The following ZNF276 variants were observed in gnomAD, a reference collection of about 807,000 sequenced individuals.
ZNF276 encodes the protein zinc finger protein 276.
Under a neutral mutation model 63.9 loss-of-function variants are expected in ZNF276, and 59 were observed. That is an observed-to-expected ratio of 0.92 (90% confidence interval 0.75 to 1.15). The LOEUF is 1.15. Ranked by LOEUF, ZNF276 falls within the 50% of genes most tolerant of loss-of-function variation. ZNF276 has a pLI of 0.00. For synonymous variants in ZNF276, 496 were observed against 348.4 expected (o/e 1.42, Z -4.72); for missense variants, 1,084 against 843.8 (o/e 1.28, Z -3.53).
In ZNF276 at chr16:89,723,154, C is replaced by T. The variant is rs769218443; in HGVS notation, c.527C>T (p.Pro176Leu). ...KPCAKVGAQP[P>L]TGAEEGACLV... ...CTTTGCAGGGTCGGTGCCCAGCCCC[C>T]AACAGGGGCAGAGGAGGGAGCGTGT... Residue 176 changes from proline to leucine, a missense_variant, in exon 3 of 11, where the codon CCA becomes CTA. Pro to Leu is a moderately conservative substitution (Grantham distance 98, BLOSUM62 -3). Coordinates refer to ENST00000443381, the MANE Select transcript of ZNF276 (RefSeq NM_001113525.2). 1.2e-6 allele frequency: 2 copies of T among 1,613,118 alleles called. No individual in the cohort carries two copies. The highest frequency in any genetic ancestry group is 1.7e-6 in the Non-Finnish European group (2 of 1,180,040).
chr16:89,739,040 A>C lies in ZNF276; in HGVS notation c.*794A>C. On this transcript the variant is annotated 3_prime_UTR_variant, in exon 11 of 11. Coordinates refer to ENST00000443381, the MANE Select transcript of ZNF276 (RefSeq NM_001113525.2). ...CAGAAACAGGGCTGGTGTGTCCCCCATAGTCTGCATGCTGTGCCGGAACAT... is the reference window on the plus strand; with the variant it reads ...CAGAAACAGGGCTGGTGTGTCCCCCCTAGTCTGCATGCTGTGCCGGAACAT... 1.2e-6 allele frequency: 2 copies of C among 1,614,024 alleles called. No individual in the cohort carries two copies. The highest frequency in any genetic ancestry group is 1.7e-6 in the Non-Finnish European group (2 of 1,179,898).
intron 4 of ZNF276, 41 bp from the exon 5 acceptor site, chr16:89,727,238 G>A (rs2061496496): frequency 4.4e-6 from 7 of 1,598,594 alleles, no homozygotes; most frequent in Non-Finnish European, 6.0e-6. Context: ...ACCTTTCTGT[G>A]CTCCGTGTTG....
rs762625682 is a variant in ZNF276, at chr16:89,739,400, C to A, written c.*1154C>A. 5 of 1,568,194 alleles carry A rather than the reference C, an allele frequency of 3.2e-6. No homozygotes were observed. The highest frequency in any genetic ancestry group is 4.3e-6 in the Non-Finnish European group (5 of 1,153,584). On this transcript the variant is annotated 3_prime_UTR_variant, in exon 11 of 11. Coordinates refer to ENST00000443381, the MANE Select transcript of ZNF276 (RefSeq NM_001113525.2). ...CAGAGGCACAGACAACCCTTCCCAT[C>A]TGGCGGGACCCAGAGGTGCTGAGAT...
rs796749783 is a variant in ZNF276 at position 89,728,563 on chromosome 16, C to T, written c.1086-672C>T. On this transcript the variant is annotated intron_variant, in intron 5 of 10. Coordinates refer to ENST00000443381, the MANE Select transcript of ZNF276 (RefSeq NM_001113525.2). Reference sequence around the variant, plus strand: ...GACTACAGGCACCCGCCACCACGCCCGGCTAATTTTTTGTATTTTTAGCAG... The same window carrying T: ...GACTACAGGCACCCGCCACCACGCCTGGCTAATTTTTTGTATTTTTAGCAG... 4.6e-4 allele frequency among the ~76,000 whole-genome samples: 70 copies of T among 152,266 alleles called. 1 individual carries two copies. The highest frequency in any genetic ancestry group is 1.2e-3 in the African/African-American group (48 of 41,546).
At chr16:89,726,044 C>G (rs150702216) in intron 4 of ZNF276, among the ~76,000 whole-genome samples, 3,080 of 152,314 alleles carry the variant, frequency 0.02, 104 homozygotes, top group African/African-American at 0.069. Context: ...TTGATGGAGT[C>G]TCACTCTGTC....
rs746081933 is a variant in ZNF276 at position 89,738,712 on chromosome 16, TGAGA to T, written c.*470_*473del. ...AGTCCCCACGATCAGCCAGCAGCTGTGAGAGAGGAGCAGGTCCTCAGCCCATGCC... is the reference window on the plus strand; with the variant it reads ...AGTCCCCACGATCAGCCAGCAGCTGTGAGGAGCAGGTCCTCAGCCCATGCC... On this transcript the variant is annotated 3_prime_UTR_variant, in exon 11 of 11. Transcript: ENST00000443381. 6.8e-6 allele frequency: 11 copies of T among 1,613,794 alleles called. No individual in the cohort carries two copies. The highest frequency in any genetic ancestry group is 5.1e-6 in the Non-Finnish European group (6 of 1,179,912).
In ZNF276 at chr16:89,738,012, A is replaced by T; in HGVS notation, c.1611A>T (p.Ala537=). 4 of 1,614,142 alleles carry T rather than the reference A, an allele frequency of 2.5e-6. No homozygotes were observed. Among genetic ancestry groups the T allele is most frequent in the Non-Finnish European group, 3.4e-6 (4 of 1,180,044 alleles). The change falls in exon 11 of 11, where the codon GCA becomes GCT. Residue 537 remains alanine (A), a synonymous_variant. Coordinates refer to ENST00000443381, the MANE Select transcript of ZNF276 (RefSeq NM_001113525.2). The part of the protein sequence containing the change: ...EVCGFQCRQR[A]SLKYHMTKHK... The stretch of plus-strand genomic sequence containing the variant: ...GTGGGTTCCAGTGCAGGCAGCGGGC[A>T]TCCCTCAAGTACCACATGACCAAAC...
intron 6 of ZNF276, 88 bp downstream of exon 6, chr16:89,729,406 C>A: frequency 8.8e-7 from 1 of 1,139,556 alleles, no homozygotes; most frequent in Non-Finnish European, 1.3e-6. Flanking sequence ...CCGGTGCCCA[C>A]TCAGTTCACT....
intron 6 of ZNF276, chr16:89,731,426 GTATTT>G (rs1029240389): frequency 6.6e-6 from 1 of 152,226 alleles, no homozygotes; most frequent in African/African-American, 2.4e-5. Flanking sequence ...GCTAATTTTT[GTATTT>G]TTAGTAGAGA....
rs1216572301 is a variant in ZNF276, at chr16:89,734,077, CA to C, written c.1474+40del. ...CAGTGTCGCCCACGCGGGTGACAGCCAGGGGCACGTGACCTGCTTTCCAGTC... is the reference window on the plus strand; with the variant it reads ...CAGTGTCGCCCACGCGGGTGACAGCCGGGGCACGTGACCTGCTTTCCAGTC... On this transcript the variant is annotated intron_variant, in intron 9 of 10. Transcript: ENST00000443381. The C allele has an allele frequency of 2.5e-6, 4 of 1,582,986 alleles. No individual in the cohort carries two copies. In the African/African-American group the frequency reaches 4.0e-5, roughly 16 times the overall value.
chr16:89,739,970 G>C lies in ZNF276; in HGVS notation c.*1724G>C, dbSNP rs1001246905. 1 of 1,612,926 alleles carries C rather than the reference G, an allele frequency of 6.2e-7. No homozygotes were observed. The highest frequency in any genetic ancestry group is 8.5e-7 in the Non-Finnish European group (1 of 1,178,932). ...CTGAAAAGAGCGGCCCTCCGCATTT[G>C]TGCCTCAGCAGCGTGTTTCTTACCA... is the stretch of plus-strand genomic sequence containing the variant. On this transcript the variant is annotated 3_prime_UTR_variant, in exon 11 of 11. Coordinates refer to ENST00000443381, the MANE Select transcript of ZNF276 (RefSeq NM_001113525.2).
rs147766861 is a variant in ZNF276 at position 89,723,512 on chromosome 16, G to T, written c.809G>T (p.Arg270Leu). 12 of 1,612,768 alleles carry T rather than the reference G, an allele frequency of 7.4e-6. No individual in the cohort carries two copies. Among genetic ancestry groups the T allele is most frequent in the Admixed American group, 1.7e-5 (1 of 59,998 alleles). The change falls in exon 4 of 11, where the codon CGG becomes CTG. Residue 270 changes from arginine (R) to leucine (L), a missense_variant. By Grantham distance (102) the Arg-to-Leu change is moderately radical (BLOSUM62 -2). Transcript: ENST00000443381. ...CCATGGGACAAAGAGACGGCGCCAC[G>T]GCTGCCCCAGCACCGAGGGTGGAAC... ...KWPWDKETAP[R>L]LPQHRGWNPG...
intron 9 of ZNF276, among the ~76,000 whole-genome samples, chr16:89,736,946 T>C (rs1197223376): frequency 1.3e-5 from 2 of 150,702 alleles, no homozygotes; most frequent in African/African-American, 4.9e-5. Context: ...CAAGATAGGG[T>C]TTCCCTTCGA....
Position 89,738,810 on chromosome 16 carries a change from C to T in ZNF276, c.*564C>T. On this transcript the variant is annotated 3_prime_UTR_variant, in exon 11 of 11. Transcript: ENST00000443381. ...TAGTCGAGTTGTATTGCCAGCCAGG[C>T]AGGCACATGGCCCAGGCAGCTGTCA... 1.2e-6 allele frequency: 2 copies of T among 1,613,862 alleles called. No individual in the cohort carries two copies. The highest frequency in any genetic ancestry group is 1.7e-6 in the Non-Finnish European group (2 of 1,179,918).
chr16:89,721,497 CCCGCCCGCCTCGCTTTGCTTCTCGCT>C (rs1281409256), upstream of ZNF276: 2 of 839,562 alleles, frequency 2.4e-6, no homozygotes, highest in Admixed American at 4.0e-5. Flanking sequence ...CCTGGCCCGC[CCCGCCCGCCTCGCTTTGCTTCTCGCT>C]CCGCCCCTCC....
At position 89,733,555 on chromosome 16, in the gene ZNF276, A is replaced by C; in HGVS notation, c.1354A>C (p.Lys452Gln). The C allele has an allele frequency of 1.9e-6, 3 of 1,613,904 alleles. No individual in the cohort carries two copies. The highest frequency in any genetic ancestry group is 2.5e-6 in the Non-Finnish European group (3 of 1,180,028). ...CGTGTACCGAGGCGCTGACGGCATG[A>C]AGGTGAGCACTGGCTGTGCCTGACC... ...TAVYRGADGM[K>Q]KHIKEHHEEV... The change falls in exon 8 of 11, where the codon AAG (lysine) becomes CAG (glutamine). Residue 452 changes from lysine to glutamine, a missense_variant and splice_region_variant. Physicochemically the swap from Lys to Gln is moderately conservative, Grantham distance 53. Coordinates refer to ENST00000443381, the MANE Select transcript of ZNF276 (RefSeq NM_001113525.2).
Position 89,739,930 on chromosome 16 carries a change from A to AT in ZNF276, c.*1687dup, listed in dbSNP as rs1567594798. ...CCTCAAGGAGGGCTCGTTCTTAACCATTTGCAAGATGCCTCTGAAAAGAGC... is the reference window on the plus strand; with the variant it reads ...CCTCAAGGAGGGCTCGTTCTTAACCATTTTGCAAGATGCCTCTGAAAAGAGC... On this transcript the variant is annotated 3_prime_UTR_variant, in exon 11 of 11. Coordinates refer to ENST00000443381, the MANE Select transcript of ZNF276 (RefSeq NM_001113525.2). The AT allele has an allele frequency of 6.2e-7, 1 of 1,605,686 alleles. No homozygotes were observed. Among genetic ancestry groups the AT allele is most frequent in the Non-Finnish European group, 8.5e-7 (1 of 1,173,686 alleles).
chr16:89,739,694 A>G lies in ZNF276; in HGVS notation c.*1448A>G. 2.0e-6 allele frequency: 3 copies of G among 1,508,122 alleles called. No individual in the cohort carries two copies. Among genetic ancestry groups the G allele is most frequent in the Non-Finnish European group, 2.7e-6 (3 of 1,119,978 alleles). The allele number at this position is 1,508,122 out of a possible 1,614,324, so 93.4% of individuals were successfully genotyped here. On this transcript the variant is annotated 3_prime_UTR_variant, in exon 11 of 11. Coordinates refer to ENST00000443381, the MANE Select transcript of ZNF276 (RefSeq NM_001113525.2). The stretch of plus-strand genomic sequence containing the variant: ...GTGGGGCGAACAGCCTGAGCTGAGG[A>G]TACCCAGGTACCTGTCAGCAGCTGG...
At position 89,738,354 on chromosome 16, in the gene ZNF276, C is replaced by A. The variant is rs2062020140; in HGVS notation, c.*108C>A. The A allele has an allele frequency of 6.8e-7, 1 of 1,475,846 alleles. No individual in the cohort carries two copies. Among genetic ancestry groups the A allele is most frequent in the South Asian group, 1.3e-5 (1 of 75,614 alleles). 91.4% of individuals were successfully genotyped at this position (1,475,846 alleles called of 1,614,324 possible). ...GGGAGGGTCGGAGGGTGCTGCCCGC[C>A]CTTGGTGCTGGAGGCGGGCTTGGTG... On this transcript the variant is annotated 3_prime_UTR_variant, in exon 11 of 11. Coordinates refer to ENST00000443381, the MANE Select transcript of ZNF276 (RefSeq NM_001113525.2).
Sources: gnomAD v4.1 joint callset for allele counts (sites outside exome capture counted in the v4.1 genomes callset) on GRCh38, gnomAD v4.1.1 for gene constraint, MANE v1.5 for transcripts, NCBI Gene and HGNC (gene_info 2026-07-23, HGNC 2026-07-21) for gene names.